TASP1: variants seen among roughly 807,000 people sequenced by gnomAD.
TASP1 encodes the protein threonine aspartase 1.
A neutral mutation model predicts 56.6 loss-of-function variants in TASP1; 16 were observed. The ratio of observed to expected loss-of-function variants is 0.28; its 90% CI spans 0.19 to 0.43. The LOEUF is 0.43. Ranked by LOEUF, TASP1 falls within the 20% of genes least tolerant of loss-of-function variation. The pLI is 1.00. For missense variants in TASP1, 393 were observed against 511.6 expected (o/e 0.77, Z 2.24); for synonymous variants, 179 against 184.2 (o/e 0.97, Z 0.23).
At chr20:13,216,407 G>C in the TASP1 span, among the ~76,000 whole-genome samples, 19 of 152,342 alleles carry the variant, frequency 1.2e-4, no homozygotes, top group South Asian at 3.9e-3. Context: ...GACAGCGGTT[G>C]ACAAACTAAG....
the TASP1 span, among the ~76,000 whole-genome samples, chr20:13,300,845 C>T: frequency 6.6e-6 from 1 of 152,104 alleles, no homozygotes; most frequent in Non-Finnish European, 1.5e-5. Flanking sequence ...GAGGCTGAGG[C>T]CCATTGACAC....
chr20:13,114,453 G>C, the TASP1 span, among the ~76,000 whole-genome samples: 1 of 152,166 alleles, frequency 6.6e-6, no homozygotes, highest in Non-Finnish European at 1.5e-5. Flanking sequence ...AACTAGCATA[G>C]CTGGAGCACT....
chr20:13,387,909 A>G (rs2041176585), downstream of TASP1, among the ~76,000 whole-genome samples: 1 of 152,274 alleles, frequency 6.6e-6, no homozygotes, highest in Non-Finnish European at 1.5e-5. Flanking sequence ...CTGACAAGAC[A>G]GTCCAATCAG....
chr20:13,308,618 A>G, the TASP1 span, among the ~76,000 whole-genome samples: 1 of 152,228 alleles, frequency 6.6e-6, no homozygotes. Context: ...TAAGTTCATA[A>G]TAGAGAATAC....
chr20:13,385,856 A>T (rs2041159545), downstream of TASP1, among the ~76,000 whole-genome samples: 1 of 152,198 alleles, frequency 6.6e-6, no homozygotes, highest in African/African-American at 2.4e-5. Context: ...TTATACACCA[A>T]CTTCTAGGGA....
intron 11 of TASP1, among the ~76,000 whole-genome samples, chr20:13,441,122 T>C (rs2043198241): frequency 6.6e-6 from 1 of 152,132 alleles, no homozygotes; most frequent in African/African-American, 2.4e-5. Context: ...GTTCTCCCTA[T>C]TACCTCATTT....
intron 6 of TASP1, among the ~76,000 whole-genome samples, chr20:13,575,953 T>C (rs993970483): frequency 2.6e-5 from 4 of 152,088 alleles, no homozygotes; most frequent in Non-Finnish European, 4.4e-5. Context: ...GGCTCACATC[T>C]GTAATCCCAG....
the TASP1 span, among the ~76,000 whole-genome samples, chr20:13,137,501 T>C: frequency 2.0e-5 from 3 of 152,150 alleles, no homozygotes; most frequent in Admixed American, 6.5e-5. Flanking sequence ...TATTTGGCTA[T>C]ATAGTGTTAT....
intron 13 of TASP1, among the ~76,000 whole-genome samples, chr20:13,402,384 A>G (rs568317614): frequency 1.3e-5 from 2 of 152,322 alleles, no homozygotes; most frequent in South Asian, 2.1e-4. Flanking sequence ...AATAGACCCA[A>G]TGGGATCATC....
At chr20:13,309,930 G>T in the TASP1 span, among the ~76,000 whole-genome samples, 1 of 151,988 alleles carries the variant, frequency 6.6e-6, no homozygotes, top group African/African-American at 2.4e-5. Context: ...ATCAATGAAA[G>T]AAACTGAATA....
chr20:13,558,929 A>G (rs566818103), intron 8 of TASP1, 79 bp downstream of exon 8: 16 of 836,534 alleles, frequency 1.9e-5, no homozygotes, highest in African/African-American at 3.5e-5. Flanking sequence ...ACTGAATTGT[A>G]TCGTCCTAAA....
the TASP1 span, among the ~76,000 whole-genome samples, chr20:13,147,985 T>G: frequency 6.6e-6 from 1 of 152,116 alleles, no homozygotes; most frequent in African/African-American, 2.4e-5. Context: ...ACTCACAAAC[T>G]CGTCAACCCC....
At chr20:13,204,154 G>A in the TASP1 span, among the ~76,000 whole-genome samples, 68,792 of 151,982 alleles carry the variant, frequency 0.45, 17,215 homozygotes, top group African/African-American at 0.68. Flanking sequence ...ATTGGTTTTG[G>A]ATTTCCATAC....
intron 11 of TASP1, among the ~76,000 whole-genome samples, chr20:13,438,181 G>A (rs1402979760): frequency 6.6e-6 from 1 of 152,054 alleles, no homozygotes; most frequent in Non-Finnish European, 1.5e-5. Flanking sequence ...AACCAAAAAG[G>A]AGCCCGCATT....
At chr20:13,485,934 C>A (rs1269246517) in intron 10 of TASP1, among the ~76,000 whole-genome samples, 5 of 152,172 alleles carry the variant, frequency 3.3e-5, no homozygotes, top group African/African-American at 1.2e-4. Flanking sequence ...GTTAACATTA[C>A]ATGAAAACTA....
At chr20:13,158,217 G>A in the TASP1 span, among the ~76,000 whole-genome samples, 2 of 152,140 alleles carry the variant, frequency 1.3e-5, no homozygotes, top group African/African-American at 4.8e-5. Context: ...ATTTCACAAA[G>A]TTTAGTTTCT....
intron 10 of TASP1, among the ~76,000 whole-genome samples, chr20:13,516,886 C>A (rs2044559122): frequency 6.6e-6 from 1 of 152,038 alleles, no homozygotes; most frequent in African/African-American, 2.4e-5. Context: ...GTCCTCAGCT[C>A]TTCTAGAGGT....
intron 10 of TASP1, 42 bp from the exon 11 acceptor site, chr20:13,483,379 C>T (rs376079519): frequency 1.6e-5 from 22 of 1,396,788 alleles, no homozygotes; most frequent in South Asian, 7.0e-5. Flanking sequence ...AAAGCAGCAC[C>T]GAACACCCTG....
intron 11 of TASP1, among the ~76,000 whole-genome samples, chr20:13,449,626 C>T (rs2047449028): frequency 6.6e-6 from 1 of 152,094 alleles, no homozygotes; most frequent in Non-Finnish European, 1.5e-5. Context: ...ATGGTGATTG[C>T]TGATATTCCA....
Sources: allele counts gnomAD v4.1 joint callset (sites outside exome capture counted in the v4.1 genomes callset), GRCh38; gene constraint gnomAD v4.1.1; transcripts MANE v1.5; gene names NCBI Gene and HGNC (gene_info 2026-07-23, HGNC 2026-07-21).